Variants in SLC9C2 observed in about 807,000 individuals in gnomAD.
The protein encoded by SLC9C2 is solute carrier family 9 member C2 (putative).
Under a neutral mutation model 140.2 loss-of-function variants are expected in SLC9C2, and 75 were observed. The observed-to-expected ratio is 0.53, with a 90% confidence interval of 0.44 to 0.65. The LOEUF is 0.65. Ranked by LOEUF, SLC9C2 falls within the 30% of genes least tolerant of loss-of-function variation. The probability of loss-of-function intolerance (pLI) is 0.00; values close to 1 mark genes in which losing one functional copy is unlikely to be tolerated. For missense variants in SLC9C2, 1,074 were observed against 1,331.8 expected, an observed-to-expected ratio of 0.81 and a Z score of 3.01; for synonymous variants, 375 against 420.9, an observed-to-expected ratio of 0.89 and a Z score of 1.34.
chr1:173,557,192 C>A, intron 10 of SLC9C2, 148 bp downstream of exon 10: 1 of 700,430 alleles, frequency 1.4e-6, no homozygotes, highest in East Asian at 2.7e-5. Flanking sequence ...ACATAAATAA[C>A]GTTCTGCTCT....
intron 9 of SLC9C2, among the ~76,000 whole-genome samples, chr1:173,560,126 T>C (rs1664001382): frequency 6.6e-6 from 1 of 152,256 alleles, no homozygotes; most frequent in Admixed American, 6.5e-5. Context: ...AGGAGCTACA[T>C]ATAAACTCTT....
intron 7 of SLC9C2, among the ~76,000 whole-genome samples, chr1:173,578,647 C>A (rs973301963): frequency 1.3e-5 from 2 of 152,176 alleles, no homozygotes; most frequent in African/African-American, 4.8e-5. Context: ...AGTCTAAGAT[C>A]AGCAGGGTTA....
intron 9 of SLC9C2, among the ~76,000 whole-genome samples, chr1:173,564,350 C>T (rs956412942): frequency 1.3e-5 from 2 of 152,178 alleles, no homozygotes; most frequent in African/African-American, 4.8e-5. Context: ...TTCTCCACAT[C>T]CTTACCATCA....
chr1:173,503,072 C>A (rs892459096), intron 27 of SLC9C2, among the ~76,000 whole-genome samples, 194 bp downstream of exon 27: 1 of 152,098 alleles, frequency 6.6e-6, no homozygotes, highest in African/African-American at 2.4e-5. Context: ...TTACATCTTT[C>A]AAAAATACTC....
Position 173,500,610 on chromosome 1 carries a change from T to C in SLC9C2, c.*484A>G, listed in dbSNP as rs904185270. 3 of 152,224 alleles carry C rather than the reference T, an allele frequency of 2.0e-5. No individual in the cohort carries two copies. Among genetic ancestry groups the C allele is most frequent in the African/African-American group, 7.2e-5 (3 of 41,454 alleles). 9.4% of individuals were successfully genotyped at this position (152,224 alleles called of 1,614,324 possible). A position where few individuals can be genotyped will look rare whatever the true frequency, so the allele number is the denominator to read the frequency against. Reference sequence around the variant, plus strand: ...CTTACTTACTGAAAGTTACTAAGATTGTGGAATATAATTCTGTTTTTCAAT... The same window carrying C: ...CTTACTTACTGAAAGTTACTAAGATCGTGGAATATAATTCTGTTTTTCAAT... On this transcript the variant is annotated 3_prime_UTR_variant, in exon 28 of 28. Transcript: ENST00000367714.
Position 173,520,501 on chromosome 1 carries a change from A to G in SLC9C2, c.2739+800T>C, listed in dbSNP as rs139597437. On this transcript the variant is annotated intron_variant, in intron 22 of 27. Transcript: ENST00000367714. ...ATCCCTCTACTAGAAATTAGGCTCCAAGAAGGCAGGAATTTGTGTCTGTTT... is the reference window on the plus strand; with the variant it reads ...ATCCCTCTACTAGAAATTAGGCTCCGAGAAGGCAGGAATTTGTGTCTGTTT... Among the ~76,000 whole-genome samples the G allele has an allele frequency of 4.0e-3, 615 of 152,334 alleles. 6 individuals carry two copies. Among genetic ancestry groups the G allele is most frequent in the African/African-American group, 0.014 (575 of 41,570 alleles).
At chr1:173,503,384 A>T (rs559047009) in intron 26 of SLC9C2, 58 bp from the exon 27 acceptor site, 13 of 1,463,314 alleles carry the variant, frequency 8.9e-6, no homozygotes, top group Non-Finnish European at 1.1e-5. Context: ...GAGTAAAGGC[A>T]ACCAGAAAAT....
At chr1:173,589,002 C>T (rs1309655536) in intron 4 of SLC9C2, among the ~76,000 whole-genome samples, 2 of 152,150 alleles carry the variant, frequency 1.3e-5, no homozygotes, top group East Asian at 3.9e-4. Context: ...TGCTTAAGCA[C>T]AGGAGTTTGA....
chr1:173,530,921 T>C (rs937628126), intron 17 of SLC9C2, among the ~76,000 whole-genome samples: 1 of 152,074 alleles, frequency 6.6e-6, no homozygotes. Context: ...AAGCTGCTAT[T>C]TTGCCTTTGA....
intron 9 of SLC9C2, among the ~76,000 whole-genome samples, chr1:173,572,504 C>T (rs1163123134): frequency 2.0e-5 from 3 of 152,168 alleles, no homozygotes; most frequent in Admixed American, 1.3e-4. Flanking sequence ...GGAGACATTG[C>T]CATAAATTCT....
chr1:173,591,173 C>T lies in SLC9C2; in HGVS notation c.358-3343G>A, dbSNP rs770070804. On this transcript the variant is annotated intron_variant, in intron 4 of 27. Transcript: ENST00000367714. ...GCCTTAGTTTGGTAAGGATAATAGC[C>T]TCCAGCTCCATCCATGTTCCCGCAA... Among the ~76,000 whole-genome samples the T allele has an allele frequency of 6.4e-4, 98 of 152,262 alleles. 1 individual carries two copies. The highest frequency in any genetic ancestry group is 1.3e-3 in the Admixed American group (20 of 15,292).
At chr1:173,573,988 G>T (rs1055181609) in intron 8 of SLC9C2, among the ~76,000 whole-genome samples, 1 of 152,202 alleles carries the variant, frequency 6.6e-6, no homozygotes, top group Non-Finnish European at 1.5e-5. Flanking sequence ...CACCCAGACT[G>T]AATTCTAAAA....
At chr1:173,520,092 G>A (rs1660703505) in intron 22 of SLC9C2, among the ~76,000 whole-genome samples, 1 of 152,166 alleles carries the variant, frequency 6.6e-6, no homozygotes, top group African/African-American at 2.4e-5. Flanking sequence ...ACCTTGCAGT[G>A]AGCTGAGATG....
chr1:173,551,390 G>T (rs1663295854), intron 11 of SLC9C2, among the ~76,000 whole-genome samples: 1 of 152,108 alleles, frequency 6.6e-6, no homozygotes, highest in Admixed American at 6.5e-5. Flanking sequence ...CTGTGAATGT[G>T]GTGCAGGCAT....
At chr1:173,533,018 A>T (rs992643658) in intron 17 of SLC9C2, among the ~76,000 whole-genome samples, 2 of 152,072 alleles carry the variant, frequency 1.3e-5, no homozygotes, top group Admixed American at 1.3e-4. Context: ...CAGGAGGATG[A>T]GGTAGAAATT....
chr1:173,556,495 T>C (rs943008051), intron 10 of SLC9C2, among the ~76,000 whole-genome samples: 3 of 152,200 alleles, frequency 2.0e-5, no homozygotes, highest in Non-Finnish European at 4.4e-5. Context: ...AATGTAAAAA[T>C]ATATAAAATC....
chr1:173,503,422 C>T (rs1659417850), intron 26 of SLC9C2, 96 bp from the exon 27 acceptor site: 2 of 1,133,190 alleles, frequency 1.8e-6, no homozygotes, highest in Non-Finnish European at 1.3e-6. Flanking sequence ...TGCTTTCTCC[C>T]TATAAGTTTC....
At position 173,521,371 on chromosome 1, in the gene SLC9C2, G is replaced by A. The variant is rs775245841; in HGVS notation, c.2669C>T (p.Ser890Phe). Residue 890 changes from serine (S) to phenylalanine (F), a missense_variant, in exon 22 of 28, where the codon TCT becomes TTT. Coordinates refer to ENST00000367714, the MANE Select transcript of SLC9C2 (RefSeq NM_178527.4). ...KERAKLACFD[S>F]GDTICKGGEM... is the part of the protein sequence containing the mutation. ...ACCTCCTTTACAAATGGTATCTCCA[G>A]AGTCAAAACAGGCAAGTTTGGCTCT... The A allele has an allele frequency of 1.3e-6, 2 of 1,534,066 alleles. No homozygotes were observed. Among genetic ancestry groups the A allele is most frequent in the Admixed American group, 2.2e-5 (1 of 45,488 alleles).
intron 24 of SLC9C2, among the ~76,000 whole-genome samples, 190 bp from the exon 25 acceptor site, chr1:173,507,231 T>C (rs1659706617): frequency 6.6e-6 from 1 of 152,238 alleles, no homozygotes; most frequent in Admixed American, 6.5e-5. Flanking sequence ...CAAATGTTTA[T>C]GCTGTTAATG....
Sources: gnomAD v4.1 joint callset for allele counts (sites outside exome capture counted in the v4.1 genomes callset) on GRCh38, gnomAD v4.1.1 for gene constraint, MANE v1.5 for transcripts, NCBI Gene and HGNC (gene_info 2026-07-23, HGNC 2026-07-21) for gene names.